The following CLCNKA variants were observed in gnomAD, a reference collection of about 807,000 sequenced individuals.
CLCNKA encodes the protein chloride channel protein ClC-Ka.
Under a neutral mutation model 83.3 loss-of-function variants are expected in CLCNKA, and 66 were observed. That is an observed-to-expected ratio of 0.79 (90% CI 0.65 to 0.97). The LOEUF is 0.97. Ranked by LOEUF, CLCNKA falls within the 50% of genes least tolerant of loss-of-function variation. CLCNKA has a pLI of 0.00. For missense variants in CLCNKA, 806 were observed against 888.7 expected (o/e 0.91, Z 1.18); for synonymous variants, 357 against 370.4 (o/e 0.96, Z 0.42).
chr1:16,026,015 A>G, intron 4 of CLCNKA, 93 bp from the exon 5 acceptor site: 1 of 1,563,764 alleles, frequency 6.4e-7, no homozygotes, highest in South Asian at 1.1e-5. Context: ...CGGCCTCCCA[A>G]AGTGCTGGGA....
At chr1:16,022,381 AG>A (rs1158914959) in intron 1 of CLCNKA, among the ~76,000 whole-genome samples, 1 of 152,110 alleles carries the variant, frequency 6.6e-6, no homozygotes, top group Non-Finnish European at 1.5e-5. Context: ...TGCTGGACAC[AG>A]GGGGACACCT....
At position 16,027,285 on chromosome 1, in the gene CLCNKA, C is replaced by G. The variant is rs750591468; in HGVS notation, c.656-25C>G. The stretch of plus-strand genomic sequence containing the variant: ...CCACAGGTGGGTGGGGGTGGGGGCC[C>G]ACCTGACATCAGTGTCGCCCCCAGG... On this transcript the variant is annotated intron_variant, in intron 7 of 19. Coordinates refer to ENST00000331433, the MANE Select transcript of CLCNKA (RefSeq NM_004070.4). 3 of 1,612,148 alleles carry G rather than the reference C, an allele frequency of 1.9e-6. No individual in the cohort carries two copies. In the East Asian group the frequency reaches 6.7e-5, roughly 36 times the overall value.
intron 8 of CLCNKA, 144 bp downstream of exon 8, chr1:16,027,579 G>C (rs2022420771): frequency 6.7e-7 from 1 of 1,490,626 alleles, no homozygotes; most frequent in Non-Finnish European, 9.1e-7. Context: ...CTCCTTCAGG[G>C]AGGATGGAAG....
intron 4 of CLCNKA, among the ~76,000 whole-genome samples, chr1:16,025,758 G>C (rs1386190089): frequency 1.3e-5 from 2 of 151,916 alleles, no homozygotes; most frequent in African/African-American, 4.8e-5. Flanking sequence ...TTGTTTGTTT[G>C]TTCGTTTGTT....
chr1:16,031,810 G>A lies in CLCNKA; in HGVS notation c.1723G>A (p.Asp575Asn). ...GGTGGTCAAGGTTGTGACCTCCACAGACGTGACCGAGTATCCCCTGGTGGA... is the reference window on the plus strand; with the variant it reads ...GGTGGTCAAGGTTGTGACCTCCACAAACGTGACCGAGTATCCCCTGGTGGA... ...EEVVKVVTST[D>N]VTEYPLVEST... Residue 575 changes from aspartate (D) to asparagine (N), a missense_variant, in exon 16 of 20, where the codon GAC becomes AAC. Coordinates refer to ENST00000331433, the MANE Select transcript of CLCNKA (RefSeq NM_004070.4). 6.2e-7 allele frequency: 1 copy of A among 1,613,982 alleles called. No homozygotes were observed. The highest frequency in any genetic ancestry group is 8.5e-7 in the Non-Finnish European group (1 of 1,180,044).
intron 3 of CLCNKA, 33 bp from the exon 4 acceptor site, chr1:16,024,730 G>A (rs1557448551): frequency 6.2e-7 from 1 of 1,613,238 alleles, no homozygotes; most frequent in South Asian, 1.1e-5. Flanking sequence ...TGCAGAGGCT[G>A]TGGGTGCCTC....
At position 16,027,207 on chromosome 1, in the gene CLCNKA, C is replaced by G. The variant is rs542489898; in HGVS notation, c.656-103C>G. The G allele has an allele frequency of 1.3e-4, 202 of 1,528,568 alleles. 1 individual carries two copies. The African/African-American group carries it at 2.4e-3, about 18-fold the overall frequency. The allele number at this position is 1,528,568 out of a possible 1,614,324, so 94.7% of individuals were successfully genotyped here. A position where few individuals can be genotyped will look rare whatever the true frequency, so the allele number is the denominator to read the frequency against. Reference sequence around the variant, plus strand: ...GTCTGTCCCTGTCCGGGCTGTAGGACAGCAGGACAGATGGCTCAGGGAGGA... The same window carrying G: ...GTCTGTCCCTGTCCGGGCTGTAGGAGAGCAGGACAGATGGCTCAGGGAGGA... On this transcript the variant is annotated intron_variant, in intron 7 of 19. Transcript: ENST00000331433.
intron 4 of CLCNKA, among the ~76,000 whole-genome samples, chr1:16,025,702 A>AG (rs1450654362): frequency 6.6e-6 from 1 of 152,038 alleles, no homozygotes; most frequent in East Asian, 1.9e-4. Flanking sequence ...AAAAAAAAAA[A>AG]TCATAATGTG....
intron 10 of CLCNKA, 100 bp downstream of exon 10, chr1:16,028,219 A>G (rs2022456246): frequency 9.0e-7 from 1 of 1,110,590 alleles, no homozygotes. Context: ...CTGAGCCCCT[A>G]AATCCCTCCC....
At chr1:16,031,620 G>A in intron 15 of CLCNKA, 90 bp from the exon 16 acceptor site, 3 of 1,588,980 alleles carry the variant, frequency 1.9e-6, no homozygotes, top group Non-Finnish European at 2.6e-6. Flanking sequence ...GTGGGTCCCT[G>A]GTTCAAGCAA....
In CLCNKA at chr1:16,024,879, CCCT is replaced by C; in HGVS notation, c.351_353del (p.Ser118del). 1 of 1,614,150 alleles carries C rather than the reference CCCT, an allele frequency of 6.2e-7. No homozygotes were observed. Among genetic ancestry groups the C allele is most frequent in the Non-Finnish European group, 8.5e-7 (1 of 1,180,024 alleles). On this transcript the variant is annotated inframe_deletion, in exon 4 of 20. Coordinates refer to ENST00000331433, the MANE Select transcript of CLCNKA (RefSeq NM_004070.4). Reference sequence around the variant, plus strand: ...CTCAGGCTTCTCCCAGAGCATCACGCCCTCCTCTGGAGGTGAGTCCACGGTCGC... The same window carrying C: ...CTCAGGCTTCTCCCAGAGCATCACGCCCTCTGGAGGTGAGTCCACGGTCGC...
chr1:16,029,728 CAGTT>C lies in CLCNKA; in HGVS notation c.1228-2_1229del. On this transcript the variant is annotated splice_acceptor_variant and coding_sequence_variant, in exon 13 of 20. Transcript: ENST00000331433. LOFTEE classifies it high-confidence loss of function. ...CTCTGCCCTGGGCTCCCCCTTCCTG[CAGTT>C]CTGGATGCTGATTCTGGCCACCACC... The C allele has an allele frequency of 6.2e-7, 1 of 1,614,134 alleles. No individual in the cohort carries two copies. Among genetic ancestry groups the C allele is most frequent in the Non-Finnish European group, 8.5e-7 (1 of 1,180,034 alleles).
intron 4 of CLCNKA, among the ~76,000 whole-genome samples, chr1:16,025,176 C>A (rs1280884084): frequency 6.6e-6 from 1 of 152,198 alleles, no homozygotes; most frequent in Non-Finnish European, 1.5e-5. Context: ...GGCCACTCAG[C>A]CCTTCCTCCA....
At position 16,023,789 on chromosome 1, in the gene CLCNKA, C is replaced by A. The variant is rs1229753399; in HGVS notation, c.101-11C>A. 6.2e-7 allele frequency: 1 copy of A among 1,613,908 alleles called. No individual in the cohort carries two copies. The highest frequency in any genetic ancestry group is 1.7e-5 in the Admixed American group (1 of 60,014). On this transcript the variant is annotated splice_polypyrimidine_tract_variant and intron_variant, in intron 2 of 19. Transcript: ENST00000331433. ...CCCAACATAAGCTGGGACTCCGATA[C>A]CCTGCCCCAGGTGGCCTGGAGTGGC...
intron 4 of CLCNKA, 29 bp from the exon 5 acceptor site, chr1:16,026,079 C>T (rs779571741): frequency 4.3e-6 from 7 of 1,612,042 alleles, no homozygotes; most frequent in Admixed American, 3.3e-5. Context: ...GAGATTGTCC[C>T]CTGCTTGTTC....
chr1:16,032,150 C>G, intron 16 of CLCNKA, 53 bp from the exon 17 acceptor site: 1 of 1,539,810 alleles, frequency 6.5e-7, no homozygotes, highest in Non-Finnish European at 9.0e-7. Context: ...GCTTGGCCCT[C>G]AGGCCTGTTT....
chr1:16,033,085 C>A, intron 18 of CLCNKA, 85 bp from the exon 19 acceptor site: 1 of 1,422,526 alleles, frequency 7.0e-7, no homozygotes, highest in Non-Finnish European at 9.9e-7. Flanking sequence ...GCCCCTCTTC[C>A]TGGCTCAGAG....
chr1:16,033,004 T>C (rs543379773), intron 18 of CLCNKA, among the ~76,000 whole-genome samples, 166 bp from the exon 19 acceptor site: 2 of 152,260 alleles, frequency 1.3e-5, no homozygotes, highest in African/African-American at 4.8e-5. Context: ...GAGTGGCCTC[T>C]GGCATCCCCC....
chr1:16,032,654 G>GTCCAGGCCCAGGA, intron 18 of CLCNKA, 128 bp downstream of exon 18: 1 of 768,670 alleles, frequency 1.3e-6, no homozygotes, highest in Non-Finnish European at 2.3e-6. Flanking sequence ...TGCTCCTCCT[G>GTCCAGGCCCAGGA]GGCCTGGACA....
Sources: allele counts gnomAD v4.1 joint callset (sites outside exome capture counted in the v4.1 genomes callset), GRCh38; gene constraint gnomAD v4.1.1; transcripts MANE v1.5; gene names NCBI Gene and HGNC (gene_info 2026-07-23, HGNC 2026-07-21).